RHBDD1: variants seen among roughly 807,000 people sequenced by gnomAD.
RHBDD1 encodes the protein rhomboid domain containing 1.
A neutral mutation model predicts 36.3 loss-of-function variants in RHBDD1; 38 were observed. The ratio of observed to expected loss-of-function variants is 1.05; its 90% CI spans 0.81 to 1.37. RHBDD1 has a LOEUF of 1.37. RHBDD1 is among the 40% of genes most tolerant of loss of function. RHBDD1 has a pLI of 0.00. For missense variants in RHBDD1, 393 were observed against 377.6 expected, an observed-to-expected ratio of 1.04 and a Z score of -0.34; for synonymous variants, 151 against 136.5, an observed-to-expected ratio of 1.11 and a Z score of -0.74.
At chr2:226,929,707 CTG>C (rs535121739) in intron 8 of RHBDD1, among the ~76,000 whole-genome samples, 76 of 152,078 alleles carry the variant, frequency 5.0e-4, no homozygotes, top group African/African-American at 1.7e-3. Context: ...CAAAATGTCT[CTG>C]TTTGCTGATG....
chr2:226,966,380 C>G (rs751660258), intron 8 of RHBDD1, among the ~76,000 whole-genome samples: 2 of 152,124 alleles, frequency 1.3e-5, no homozygotes. Context: ...TCCTCAGTAG[C>G]CCGAAAGCAA....
chr2:226,952,319 A>G (rs1176232146), intron 8 of RHBDD1, among the ~76,000 whole-genome samples: 4 of 142,320 alleles, frequency 2.8e-5, no homozygotes, highest in Non-Finnish European at 4.6e-5. Context: ...TTTTTTTGAG[A>G]AAGAGTCTGG....
Position 226,988,674 on chromosome 2 carries a change from G to C in RHBDD1, c.857-6757G>C, listed in dbSNP as rs377591208. On this transcript the variant is annotated intron_variant, in intron 8 of 8. Coordinates refer to ENST00000392062, the MANE Select transcript of RHBDD1 (RefSeq NM_001167608.3). ...GAAGGTAGGATTTTAATATTCCGAA[G>C]GGTTTTCATACTTTTTCTATCATTT... is the stretch of plus-strand genomic sequence containing the variant. 63 of 983,872 alleles carry C rather than the reference G, an allele frequency of 6.4e-5. No individual in the cohort carries two copies. The African/African-American group carries it at 8.2e-4, about 13-fold the overall frequency. The allele number at this position is 983,872 out of a possible 1,614,324, so 60.9% of individuals were successfully genotyped here. A position where few individuals can be genotyped will look rare whatever the true frequency, so the allele number is the denominator to read the frequency against.
intron 8 of RHBDD1, among the ~76,000 whole-genome samples, chr2:226,956,732 TGCA>T (rs925071290): frequency 6.6e-6 from 1 of 152,202 alleles, no homozygotes; most frequent in Admixed American, 6.5e-5. Flanking sequence ...TGACAAAAGC[TGCA>T]GCAAGTGATA....
chr2:226,908,600 C>T (rs1948247982), intron 6 of RHBDD1: 3 of 525,308 alleles, frequency 5.7e-6, no homozygotes, highest in East Asian at 3.1e-5. Flanking sequence ...CACACACACA[C>T]ACACACACAC....
intron 8 of RHBDD1, among the ~76,000 whole-genome samples, chr2:226,926,151 G>A (rs983576964): frequency 2.8e-4 from 42 of 151,772 alleles, no homozygotes; most frequent in Admixed American, 1.9e-3. Context: ...AGGCCGAGGC[G>A]GGTGGATCAT....
At chr2:226,974,692 A>G (rs564602940) in intron 8 of RHBDD1, among the ~76,000 whole-genome samples, 3 of 152,282 alleles carry the variant, frequency 2.0e-5, no homozygotes, top group Admixed American at 2.0e-4. Context: ...AGTGATTTGT[A>G]TAGATTTCCA....
chr2:226,805,592 C>A, the RHBDD1 span, among the ~76,000 whole-genome samples: 1 of 152,206 alleles, frequency 6.6e-6, no homozygotes, highest in Non-Finnish European at 1.5e-5. Context: ...TTTACAACAC[C>A]TTTTGCTGGT....
chr2:226,838,652 T>A (rs909713020), intron 2 of RHBDD1, among the ~76,000 whole-genome samples: 1 of 152,236 alleles, frequency 6.6e-6, no homozygotes, highest in Admixed American at 6.5e-5. Context: ...CAAACCTAAC[T>A]TTATGCCATT....
rs373110656 is a variant in RHBDD1 at position 226,908,872 on chromosome 2, A to G, written c.706A>G (p.Ser236Gly). 8.8e-6 allele frequency: 14 copies of G among 1,587,302 alleles called. No homozygotes were observed. In the African/African-American group the frequency reaches 1.9e-4, roughly 21 times the overall value. ...CCCAGGACGGCAATACTACTTTAAT[A>G]GTTCAGGTAGGCACTGTATTTCATT... is the stretch of plus-strand genomic sequence containing the variant. ...GYPGRQYYFN[S>G]SGSSGYQDYY... is the part of the protein sequence containing the mutation. The change falls in exon 7 of 9, where the codon AGT becomes GGT. Residue 236 changes from serine (S) to glycine (G), a missense_variant. By Grantham distance (56) the Ser-to-Gly change is moderately conservative. Coordinates refer to ENST00000392062, the MANE Select transcript of RHBDD1 (RefSeq NM_001167608.3).
At chr2:226,911,985 T>G (rs1430375239) in intron 7 of RHBDD1, among the ~76,000 whole-genome samples, 1 of 152,186 alleles carries the variant, frequency 6.6e-6, no homozygotes, top group Admixed American at 6.5e-5. Flanking sequence ...TCCTTTTTCT[T>G]TTACTTTCAA....
At chr2:226,965,031 C>A (rs1952513487) in intron 8 of RHBDD1, among the ~76,000 whole-genome samples, 1 of 152,132 alleles carries the variant, frequency 6.6e-6, no homozygotes, top group African/African-American at 2.4e-5. Context: ...ATGTTATCCT[C>A]TGAAAGATAT....
the RHBDD1 span, among the ~76,000 whole-genome samples, chr2:226,800,961 A>G: frequency 6.6e-6 from 1 of 152,138 alleles, no homozygotes; most frequent in Non-Finnish European, 1.5e-5. Flanking sequence ...AACGCTCCCC[A>G]GAGTTTTTTT....
At chr2:226,826,769 C>T in the RHBDD1 span, among the ~76,000 whole-genome samples, 1 of 152,104 alleles carries the variant, frequency 6.6e-6, no homozygotes, top group Non-Finnish European at 1.5e-5. Flanking sequence ...ATCTGCCTGC[C>T]TCGGCCTCCC....
intron 8 of RHBDD1, among the ~76,000 whole-genome samples, chr2:226,948,415 G>T (rs1284777201): frequency 8.4e-5 from 12 of 142,720 alleles, no homozygotes; most frequent in Admixed American, 5.6e-4. Context: ...TGGGGACTGT[G>T]GTGGGGTAGG....
chr2:226,947,783 G>A (rs1031271344), intron 8 of RHBDD1, among the ~76,000 whole-genome samples: 1 of 152,084 alleles, frequency 6.6e-6, no homozygotes, highest in Non-Finnish European at 1.5e-5. Context: ...TCTCAAAAGA[G>A]GACATTTATG....
chr2:226,942,802 TAATA>T (rs1356591973), intron 8 of RHBDD1, among the ~76,000 whole-genome samples: 2 of 152,228 alleles, frequency 1.3e-5, no homozygotes, highest in Admixed American at 1.3e-4. Context: ...AATTTGTCTT[TAATA>T]GTTTTCCTTT....
At chr2:226,882,577 G>A (rs189913740) in intron 5 of RHBDD1, among the ~76,000 whole-genome samples, 1 of 151,428 alleles carries the variant, frequency 6.6e-6, no homozygotes, top group African/African-American at 2.4e-5. Context: ...ACTGGACTTA[G>A]ATTGGCAGAA....
intron 5 of RHBDD1, among the ~76,000 whole-genome samples, chr2:226,882,800 A>T (rs1242440479): frequency 1.3e-5 from 2 of 152,148 alleles, no homozygotes; most frequent in African/African-American, 4.8e-5. Flanking sequence ...ACACAACAGG[A>T]ATTTATTTCT....
Sources: allele counts gnomAD v4.1 joint callset (sites outside exome capture counted in the v4.1 genomes callset), GRCh38; gene constraint gnomAD v4.1.1; transcripts MANE v1.5; gene names NCBI Gene and HGNC (gene_info 2026-07-23, HGNC 2026-07-21).